Variants in UGCG observed in about 807,000 individuals in gnomAD.
The protein encoded by UGCG is ceramide glucosyltransferase.
In UGCG, 10 loss-of-function variants were observed where a neutral mutation model predicts 49.5. The ratio of observed to expected loss-of-function variants is 0.20; its 90% confidence interval spans 0.12 to 0.34. The LOEUF is 0.34. Among genes scored for constraint, UGCG ranks in the 10% least tolerant of loss-of-function variants. The probability of loss-of-function intolerance (pLI) is 1.00; values close to 1 mark genes in which losing one functional copy is unlikely to be tolerated. For missense variants in UGCG, 312 were observed against 483.7 expected, an observed-to-expected ratio of 0.65 and a Z score of 3.33; for synonymous variants, 182 against 158.2, an observed-to-expected ratio of 1.15 and a Z score of -1.13.
At chr9:111,932,380 A>C (rs1212097835) in intron 8 of UGCG, 21 bp downstream of exon 8, 2 of 1,599,182 alleles carry the variant, frequency 1.3e-6, no homozygotes, top group Non-Finnish European at 1.7e-6. Flanking sequence ...AGGCATGAAA[A>C]GGTTGGCAGT....
intron 1 of UGCG, among the ~76,000 whole-genome samples, chr9:111,907,484 C>T (rs1837909021): frequency 6.6e-6 from 1 of 152,096 alleles, no homozygotes; most frequent in Non-Finnish European, 1.5e-5. Flanking sequence ...ATTGATATTT[C>T]TTCTCATTGG....
At chr9:111,905,449 A>G (rs1589518047) in intron 1 of UGCG, among the ~76,000 whole-genome samples, 1 of 147,454 alleles carries the variant, frequency 6.8e-6, no homozygotes, top group Admixed American at 6.8e-5. Flanking sequence ...AGTCTCCTTC[A>G]TGCATTACTC....
At chr9:111,915,817 C>G (rs964815480) in intron 2 of UGCG, 11 of 984,390 alleles carry the variant, frequency 1.1e-5, no homozygotes, top group African/African-American at 3.5e-5. Flanking sequence ...ATGTGATAGC[C>G]TTAATGCAGC....
intron 2 of UGCG, 92 bp from the exon 3 acceptor site, chr9:111,922,757 G>GT: frequency 3.6e-6 from 3 of 824,396 alleles, no homozygotes; most frequent in East Asian, 2.9e-5. Context: ...ACAGTTGCTT[G>GT]TTTTTTCCTG....
chr9:111,931,223 G>C, intron 6 of UGCG, 48 bp from the exon 7 acceptor site: 3 of 1,564,352 alleles, frequency 1.9e-6, no homozygotes, highest in Non-Finnish European at 2.6e-6. Context: ...AGTTACGCTT[G>C]CATGTGTTCA....
chr9:111,900,549 A>T (rs976098831), intron 1 of UGCG, among the ~76,000 whole-genome samples: 1 of 151,916 alleles, frequency 6.6e-6, no homozygotes, highest in Admixed American at 6.6e-5. Context: ...CTGGAGTGCA[A>T]TGGCACGATC....
At chr9:111,930,646 T>C (rs536435099) in intron 6 of UGCG, among the ~76,000 whole-genome samples, 48 of 152,190 alleles carry the variant, frequency 3.2e-4, no homozygotes, top group African/African-American at 1.0e-3. Flanking sequence ...TTTTTTTGTA[T>C]GTTAGTAGAG....
chr9:111,908,016 T>A (rs1837919907), intron 1 of UGCG, among the ~76,000 whole-genome samples: 1 of 151,996 alleles, frequency 6.6e-6, no homozygotes, highest in African/African-American at 2.4e-5. Flanking sequence ...TATTTTTTTC[T>A]GATTTTTTGG....
At chr9:111,921,982 T>C (rs1010320187) in intron 2 of UGCG, among the ~76,000 whole-genome samples, 1 of 151,602 alleles carries the variant, frequency 6.6e-6, no homozygotes, top group Non-Finnish European at 1.5e-5. Context: ...CAGCTAATTT[T>C]AAAAATTTTT....
At chr9:111,921,319 A>G (rs184789326) in intron 2 of UGCG, among the ~76,000 whole-genome samples, 1 of 151,994 alleles carries the variant, frequency 6.6e-6, no homozygotes, top group African/African-American at 2.4e-5. Flanking sequence ...TACAAATAAT[A>G]GAGTAGTATT....
intron 2 of UGCG, among the ~76,000 whole-genome samples, chr9:111,919,794 CAAAAA>C (rs61089422): frequency 1.3e-5 from 1 of 76,332 alleles, no homozygotes; most frequent in African/African-American, 4.8e-5. Flanking sequence ...GACTCCATCT[CAAAAA>C]AAAAAAAAAA....
At chr9:111,922,976 C>A in intron 3 of UGCG, 25 bp downstream of exon 3, 1 of 1,437,600 alleles carries the variant, frequency 7.0e-7, no homozygotes. Context: ...CTGTAGTAAC[C>A]ATTTTCCATT....
intron 5 of UGCG, among the ~76,000 whole-genome samples, chr9:111,927,460 GT>G (rs902765682): frequency 1.2e-3 from 170 of 146,272 alleles, no homozygotes; most frequent in Non-Finnish European, 2.1e-3. Flanking sequence ...TTTTTGTTTT[GT>G]TTTTTTTTTA....
chr9:111,909,464 A>G (rs1305209864), intron 1 of UGCG, among the ~76,000 whole-genome samples: 1 of 152,224 alleles, frequency 6.6e-6, no homozygotes, highest in Admixed American at 6.5e-5. Context: ...CACCTGTGGA[A>G]CGATTCTCCA....
intron 2 of UGCG, among the ~76,000 whole-genome samples, chr9:111,921,289 A>G (rs974738192): frequency 2.0e-5 from 3 of 152,152 alleles, no homozygotes; most frequent in African/African-American, 7.2e-5. Flanking sequence ...GAAAAAAATC[A>G]CTACTTAGAA....
chr9:111,926,286 TG>T (rs1407137313), intron 4 of UGCG, 97 bp from the exon 5 acceptor site: 7 of 682,208 alleles, frequency 1.0e-5, no homozygotes, highest in Non-Finnish European at 1.7e-5. Context: ...TTATTAAGAA[TG>T]TAATAACAAT....
chr9:111,899,450 A>G (rs899790101), intron 1 of UGCG, among the ~76,000 whole-genome samples: 1 of 152,244 alleles, frequency 6.6e-6, no homozygotes, highest in Non-Finnish European at 1.5e-5. Context: ...TGTAAATTAC[A>G]TACTCATAAT....
At chr9:111,919,129 A>G (rs1282802062) in intron 2 of UGCG, among the ~76,000 whole-genome samples, 1 of 152,106 alleles carries the variant, frequency 6.6e-6, no homozygotes, top group East Asian at 1.9e-4. Flanking sequence ...TTAGTTTTTT[A>G]TTGTACTTTA....
At chr9:111,908,160 TA>T (rs1177609671) in intron 1 of UGCG, among the ~76,000 whole-genome samples, 1 of 152,182 alleles carries the variant, frequency 6.6e-6, no homozygotes. Flanking sequence ...TGCTGCACAC[TA>T]GTTATAATAA....
Sources: gnomAD v4.1 joint callset for allele counts (sites outside exome capture counted in the v4.1 genomes callset) on GRCh38, gnomAD v4.1.1 for gene constraint, MANE v1.5 for transcripts, NCBI Gene and HGNC (gene_info 2026-07-23, HGNC 2026-07-21) for gene names.